Variants in TBC1D8B observed in about 807,000 individuals in gnomAD.
TBC1D8B encodes TBC1 domain family member 8B.
TBC1D8B carries 75 observed loss-of-function variants against 82.9 expected under a neutral mutation model. The ratio of observed to expected loss-of-function variants is 0.90; its 90% CI spans 0.75 to 1.10. The LOEUF (loss-of-function observed/expected upper bound fraction) is 1.10. Ranked by LOEUF, TBC1D8B falls within the 50% of genes least tolerant of loss-of-function variation. The probability of loss-of-function intolerance (pLI) is 0.00; values close to 1 mark genes in which losing one functional copy is unlikely to be tolerated. For missense variants in TBC1D8B, 794 were observed against 796.9 expected (o/e 1.00, Z 0.04); for synonymous variants, 276 against 276.8 (o/e 1.00, Z 0.03).
chrX:106,867,834 A>G (rs1017338449), intron 17 of TBC1D8B, among the ~76,000 whole-genome samples: 1 of 111,696 alleles, frequency 9.0e-6, no homozygotes, highest in Non-Finnish European at 1.9e-5. Context: ...ACACATCATT[A>G]AAAGCAAAAG....
At chrX:106,836,149 G>T (rs1318351951) in intron 7 of TBC1D8B, among the ~76,000 whole-genome samples, 1 of 111,911 alleles carries the variant, frequency 8.9e-6, no homozygotes, top group Non-Finnish European at 1.9e-5. Flanking sequence ...CCACATGGCT[G>T]GGAAGGCCTC....
rs761229214 is a variant in TBC1D8B at position 106,826,641 on chromosome X, A to C, written c.1035+404A>C. The stretch of plus-strand genomic sequence containing the variant: ...CTGTGTCCATGTGTTCTCATTGTTC[A>C]GTTCCCACCTGTGAGTGAGAACATG... On this transcript the variant is annotated intron_variant, in intron 6 of 20. Coordinates refer to ENST00000357242, the MANE Select transcript of TBC1D8B (RefSeq NM_017752.3). Among the ~76,000 whole-genome samples, 50 of 93,039 alleles carry C rather than the reference A, an allele frequency of 5.4e-4. No individual in the cohort carries two copies. In the East Asian group the frequency reaches 6.0e-3, roughly 11 times the overall value. 80.8% of individuals were successfully genotyped at this position (93,039 alleles called of 115,157 possible).
chrX:106,842,626 TCTATCTA>T (rs1932339263), intron 10 of TBC1D8B, among the ~76,000 whole-genome samples: 1 of 106,878 alleles, frequency 9.4e-6, no homozygotes, highest in Non-Finnish European at 1.9e-5. Flanking sequence ...TATCTATCTA[TCTATCTA>T]TCTATCTATC....
intron 9 of TBC1D8B, 33 bp downstream of exon 9, chrX:106,840,231 G>A: frequency 1.7e-6 from 2 of 1,156,389 alleles, no homozygotes; most frequent in Non-Finnish European, 2.3e-6. Flanking sequence ...TTATTTAATA[G>A]ACATTAACTA....
At chrX:106,858,119 GA>G (rs763442557) in intron 14 of TBC1D8B, among the ~76,000 whole-genome samples, 27 of 112,066 alleles carry the variant, frequency 2.4e-4, no homozygotes, top group South Asian at 3.7e-4. Flanking sequence ...CTGATTGTGT[GA>G]GACGGTATCT....
intron 14 of TBC1D8B, among the ~76,000 whole-genome samples, chrX:106,855,652 T>G (rs1415213653): frequency 8.9e-6 from 1 of 112,245 alleles, no homozygotes; most frequent in East Asian, 2.8e-4. Flanking sequence ...TATGTCTCCC[T>G]TTTTTGCTCT....
intron 14 of TBC1D8B, among the ~76,000 whole-genome samples, chrX:106,854,805 C>G (rs1486114899): frequency 3.6e-5 from 4 of 111,572 alleles, no homozygotes; most frequent in Admixed American, 2.9e-4. Context: ...CGTGAGCTAC[C>G]ACACCTAGCC....
At chrX:106,833,683 A>G (rs1015007172) in intron 7 of TBC1D8B, among the ~76,000 whole-genome samples, 5 of 111,811 alleles carry the variant, frequency 4.5e-5, no homozygotes, top group African/African-American at 1.6e-4. Context: ...TTAAGAGGCA[A>G]TAATGGATAG....
At chrX:106,805,072 CTTTTT>C (rs11432144) in intron 1 of TBC1D8B, among the ~76,000 whole-genome samples, 41 of 54,591 alleles carry the variant, frequency 7.5e-4, no homozygotes, top group Admixed American at 2.0e-3. Context: ...TGCAAGTTTC[CTTTTT>C]TTTTTTTTTT....
At chrX:106,830,463 A>C (rs1932005679) in intron 7 of TBC1D8B, among the ~76,000 whole-genome samples, 1 of 111,457 alleles carries the variant, frequency 9.0e-6, no homozygotes, top group East Asian at 2.8e-4. Flanking sequence ...CCAAAGGACT[A>C]TAAATCATGC....
chrX:106,863,161 G>A (rs1357953730), intron 14 of TBC1D8B, among the ~76,000 whole-genome samples: 1 of 112,220 alleles, frequency 8.9e-6, no homozygotes, highest in Non-Finnish European at 1.9e-5. Flanking sequence ...GCTCGTAGGA[G>A]CCTTTACCTT....
At chrX:106,846,032 C>T (rs760931425) in intron 10 of TBC1D8B, among the ~76,000 whole-genome samples, 34 of 106,270 alleles carry the variant, frequency 3.2e-4, no homozygotes, top group African/African-American at 1.2e-3. Flanking sequence ...TCAGTAGCTA[C>T]TAGGTACTGG....
At chrX:106,861,661 C>G (rs966243869) in intron 14 of TBC1D8B, among the ~76,000 whole-genome samples, 2 of 111,672 alleles carry the variant, frequency 1.8e-5, no homozygotes, top group African/African-American at 3.3e-5. Flanking sequence ...TCAGTTGCAT[C>G]TCACTATCTT....
At chrX:106,833,784 G>A (rs1466914631) in intron 7 of TBC1D8B, among the ~76,000 whole-genome samples, 1 of 110,224 alleles carries the variant, frequency 9.1e-6, no homozygotes, top group Non-Finnish European at 1.9e-5. Context: ...TACTTTTCCT[G>A]TAGTTTAGAA....
At chrX:106,827,580 C>T in intron 7 of TBC1D8B, 1 of 304,705 alleles carries the variant, frequency 3.3e-6, no homozygotes, top group African/African-American at 2.7e-5. Context: ...TTCTTTTACT[C>T]TATTTGCTGT....
At chrX:106,856,723 G>GT (rs1932704987) in intron 14 of TBC1D8B, among the ~76,000 whole-genome samples, 1 of 111,382 alleles carries the variant, frequency 9.0e-6, no homozygotes, top group African/African-American at 3.3e-5. Flanking sequence ...TTGAAATCTG[G>GT]TAAGGCTTTT....
chrX:106,843,884 T>G (rs1356615196), intron 10 of TBC1D8B, among the ~76,000 whole-genome samples: 1 of 111,801 alleles, frequency 8.9e-6, no homozygotes. Context: ...CTTTAATCTG[T>G]CTCATCCAAA....
intron 7 of TBC1D8B, chrX:106,828,050 T>TA (rs991712174): frequency 9.0e-5 from 10 of 110,899 alleles, no homozygotes; most frequent in African/African-American, 3.3e-4. Flanking sequence ...CTAGCAAGAC[T>TA]AATAAAGAAA....
At chrX:106,818,185 A>T (rs1931595261) in intron 1 of TBC1D8B, among the ~76,000 whole-genome samples, 1 of 111,281 alleles carries the variant, frequency 9.0e-6, no homozygotes, top group Non-Finnish European at 1.9e-5. Flanking sequence ...TAAGTGCGTT[A>T]AATGTAACAA....
Sources: gnomAD v4.1 joint callset for allele counts (sites outside exome capture counted in the v4.1 genomes callset) on GRCh38, gnomAD v4.1.1 for gene constraint, MANE v1.5 for transcripts, NCBI Gene and HGNC (gene_info 2026-07-23, HGNC 2026-07-21) for gene names.